Variants in MARVELD2 observed in about 807,000 individuals in gnomAD.
The protein encoded by MARVELD2 is MARVEL domain containing 2.
MARVELD2 carries 49 observed loss-of-function variants against 57.6 expected under a neutral mutation model. The ratio of observed to expected loss-of-function variants is 0.85; its 90% CI spans 0.68 to 1.08. The LOEUF (loss-of-function observed/expected upper bound fraction) is 1.08, where lower values mean the gene tolerates loss of function less well. Ranked by LOEUF, MARVELD2 falls within the 50% of genes least tolerant of loss-of-function variation. MARVELD2 has a pLI of 0.00. For missense variants in MARVELD2, 606 were observed against 701.1 expected, an observed-to-expected ratio of 0.86 and a Z score of 1.53; for synonymous variants, 238 against 258.8, an observed-to-expected ratio of 0.92 and a Z score of 0.77.
At chr5:69,422,764 C>T (rs299094) in intron 2 of MARVELD2, among the ~76,000 whole-genome samples, 52,122 of 152,018 alleles carry the variant, frequency 0.34, 10,472 homozygotes, top group Non-Finnish European at 0.46. Flanking sequence ...GCTGGTTTTA[C>T]GGCTCGGGGG....
At position 69,432,672 on chromosome 5, in the gene MARVELD2, T is replaced by C. The variant is rs1767002694; in HGVS notation, c.1328T>C (p.Val443Ala). 6.2e-7 allele frequency: 1 copy of C among 1,614,064 alleles called. No homozygotes were observed. The highest frequency in any genetic ancestry group is 8.5e-7 in the Non-Finnish European group (1 of 1,179,958). The stretch of plus-strand genomic sequence containing the variant: ...AAACCTATCGTGATGCCCGACTATG[T>C]GGCGTGAGTGTCAGTCTGAATTCTT... Reference protein sequence around the residue: ...IPKPIVMPDYVAKYPVIQTDD... With the variant: ...IPKPIVMPDYAAKYPVIQTDD... Residue 443 changes from valine to alanine, a missense_variant, in exon 4 of 7, where the codon GTG becomes GCG. By Grantham distance (64) the Val-to-Ala change is moderately conservative. Transcript: ENST00000325631.
chr5:69,424,396 T>A (rs1487139975), intron 2 of MARVELD2, among the ~76,000 whole-genome samples: 1 of 152,186 alleles, frequency 6.6e-6, no homozygotes, highest in Non-Finnish European at 1.5e-5. Context: ...CTCTATGCCC[T>A]GATTGACAGG....
At chr5:69,434,910 G>T (rs1767084710) in intron 5 of MARVELD2, among the ~76,000 whole-genome samples, 1 of 151,776 alleles carries the variant, frequency 6.6e-6, no homozygotes, top group Non-Finnish European at 1.5e-5. Flanking sequence ...GGTTAGGCTG[G>T]TCTCAAACTC....
chr5:69,424,646 A>C lies in MARVELD2; in HGVS notation c.1182+10A>C, dbSNP rs1766729029. 6.3e-7 allele frequency: 1 copy of C among 1,580,752 alleles called. No individual in the cohort carries two copies. Among genetic ancestry groups the C allele is most frequent in the African/African-American group, 1.3e-5 (1 of 74,676 alleles). ...ATCGAAAAGGAAAATGGTAAGAATA[A>C]AGTTTACTTCATATTATGCTTTAGA... is the stretch of plus-strand genomic sequence containing the variant. On this transcript the variant is annotated intron_variant, in intron 3 of 6. Transcript: ENST00000325631.
At chr5:69,435,688 G>A (rs906487345) in intron 5 of MARVELD2, among the ~76,000 whole-genome samples, 3 of 148,888 alleles carry the variant, frequency 2.0e-5, no homozygotes, top group African/African-American at 7.5e-5. Flanking sequence ...AGGAGGTGGA[G>A]GTTGCAGTGG....
At chr5:69,439,687 G>A (rs963566544) in intron 5 of MARVELD2, among the ~76,000 whole-genome samples, 1 of 151,906 alleles carries the variant, frequency 6.6e-6, no homozygotes, top group African/African-American at 2.4e-5. Flanking sequence ...CAGAGAGGTG[G>A]GAGTTGCAGT....
Position 69,419,973 on chromosome 5 carries a change from G to C in MARVELD2, c.588G>C (p.Leu196=). ...CGTGGGCAGGCCTGCTGAGAATACT[G>C]GGTGTGGTGGAGCTGCTTTTGGGGG... The part of the protein sequence containing the change: ...MKSWAGLLRI[L]GVVELLLGAG... The change falls in exon 2 of 7, where the codon CTG becomes CTC. Residue 196 remains leucine (L), a synonymous_variant. Transcript: ENST00000325631. 6.2e-7 allele frequency: 1 copy of C among 1,614,188 alleles called. No individual in the cohort carries two copies. The highest frequency in any genetic ancestry group is 8.5e-7 in the Non-Finnish European group (1 of 1,180,038).
At chr5:69,423,757 G>A (rs907699482) in intron 2 of MARVELD2, among the ~76,000 whole-genome samples, 2 of 152,176 alleles carry the variant, frequency 1.3e-5, no homozygotes, top group Admixed American at 1.3e-4. Flanking sequence ...ACAGGCATAA[G>A]CCACCATGCC....
In MARVELD2 at chr5:69,432,848, A is replaced by G. The variant is rs556514015; in HGVS notation, c.1332-74A>G. On this transcript the variant is annotated intron_variant, in intron 4 of 6. Coordinates refer to ENST00000325631, the MANE Select transcript of MARVELD2 (RefSeq NM_001038603.3). ...GAAGGTACAATATGATCAGTAAGGA[A>G]TAAGATAAGCTGATTTCCCATTCAG... 3.2e-6 allele frequency: 5 copies of G among 1,581,106 alleles called. No homozygotes were observed. The African/African-American group carries it at 5.4e-5, about 17-fold the overall frequency.
In MARVELD2 at chr5:69,441,694, T is replaced by C; in HGVS notation, c.*40T>C. ...CACTTTATTTTTTTATTTTATTTTA[T>C]TTTTTTGAGATGAAGTCTCGCTCTG... is the stretch of plus-strand genomic sequence containing the variant. On this transcript the variant is annotated 3_prime_UTR_variant, in exon 7 of 7. Coordinates refer to ENST00000325631, the MANE Select transcript of MARVELD2 (RefSeq NM_001038603.3). 2 of 1,411,324 alleles carry C rather than the reference T, an allele frequency of 1.4e-6. No individual in the cohort carries two copies. Among genetic ancestry groups the C allele is most frequent in the Non-Finnish European group, 2.0e-6 (2 of 1,016,992 alleles). The allele number at this position is 1,411,324 out of a possible 1,614,324, so 87.4% of individuals were successfully genotyped here.
chr5:69,430,870 A>C (rs1007340860), intron 3 of MARVELD2, among the ~76,000 whole-genome samples: 2 of 151,232 alleles, frequency 1.3e-5, no homozygotes, highest in Non-Finnish European at 2.9e-5. Context: ...TCTACTTAAT[A>C]GTTATGTGAC....
rs376627126 is a variant in MARVELD2 at position 69,432,664 on chromosome 5, C to A, written c.1320C>A (p.Pro440=). 6.3e-5 allele frequency: 102 copies of A among 1,613,914 alleles called. No homozygotes were observed. The highest frequency in any genetic ancestry group is 8.3e-5 in the Non-Finnish European group (98 of 1,179,990). The part of the protein sequence containing the change: ...PGHIPKPIVM[P]DYVAKYPVIQ... ...ACATTCCTAAACCTATCGTGATGCCCGACTATGTGGCGTGAGTGTCAGTCT... is the reference window on the plus strand; with the variant it reads ...ACATTCCTAAACCTATCGTGATGCCAGACTATGTGGCGTGAGTGTCAGTCT... Residue 440 remains proline, a synonymous_variant, in exon 4 of 7, where the codon CCC becomes CCA. Coordinates refer to ENST00000325631, the MANE Select transcript of MARVELD2 (RefSeq NM_001038603.3).
In MARVELD2 at chr5:69,441,748, T is replaced by C; in HGVS notation, c.*94T>C. 1.1e-6 allele frequency: 1 copy of C among 903,280 alleles called. No homozygotes were observed. Among genetic ancestry groups the C allele is most frequent in the Non-Finnish European group, 1.7e-6 (1 of 591,094 alleles). The allele number at this position is 903,280 out of a possible 1,614,324, so 56.0% of individuals were successfully genotyped here. A position where few individuals can be genotyped will look rare whatever the true frequency, so the allele number is the denominator to read the frequency against. ...CCCAGGCTGGAATGCAGTGGCACAA[T>C]CTCGGCTCACTGCAACCTCCACCTC... On this transcript the variant is annotated 3_prime_UTR_variant, in exon 7 of 7. Coordinates refer to ENST00000325631, the MANE Select transcript of MARVELD2 (RefSeq NM_001038603.3).
chr5:69,439,771 T>C (rs1362942327), intron 5 of MARVELD2, among the ~76,000 whole-genome samples: 1 of 151,696 alleles, frequency 6.6e-6, no homozygotes, highest in African/African-American at 2.4e-5. Flanking sequence ...AAAAAAACGC[T>C]GTAAATTATT....
Position 69,420,343 on chromosome 5 carries a change from C to T in MARVELD2, c.958C>T (p.Leu320Phe). 1 of 1,614,156 alleles carries T rather than the reference C, an allele frequency of 6.2e-7. No individual in the cohort carries two copies. Among genetic ancestry groups the T allele is most frequent in the Non-Finnish European group, 8.5e-7 (1 of 1,180,032 alleles). ...TGTGAATGATACCAACCGAGGTGGC[C>T]TCTGCTACTATCCGTTATTTAATAC... is the stretch of plus-strand genomic sequence containing the variant. ...VYVNDTNRGG[L>F]CYYPLFNTPV... The change falls in exon 2 of 7, where the codon CTC (leucine) becomes TTC (phenylalanine). Residue 320 changes from leucine to phenylalanine, a missense_variant. By Grantham distance (22) the Leu-to-Phe change is conservative. Transcript: ENST00000325631.
intron 3 of MARVELD2, among the ~76,000 whole-genome samples, chr5:69,426,320 C>CATTATTATTATTATTATTATTATTATT (rs61577972): frequency 3.6e-5 from 5 of 140,116 alleles, no homozygotes; most frequent in Non-Finnish European, 4.6e-5. Context: ...AGATACTGGA[C>CATTATTATTATTATTATTATTATTATT]ATTATTATTA....
At chr5:69,417,888 G>A (rs1362581578) in intron 1 of MARVELD2, among the ~76,000 whole-genome samples, 1 of 150,708 alleles carries the variant, frequency 6.6e-6, no homozygotes, top group African/African-American at 2.4e-5. Flanking sequence ...GCAGTGAGCC[G>A]AGATGGCACC....
Position 69,420,285 on chromosome 5 carries a change from G to T in MARVELD2, c.900G>T (p.Leu300Phe). The T allele has an allele frequency of 6.2e-7, 1 of 1,614,138 alleles. No individual in the cohort carries two copies. The highest frequency in any genetic ancestry group is 8.5e-7 in the Non-Finnish European group (1 of 1,180,040). Residue 300 changes from leucine (L) to phenylalanine (F), a missense_variant, in exon 2 of 7, where the codon TTG becomes TTT. Leu to Phe is a conservative substitution (Grantham distance 22). Transcript: ENST00000325631. ...PLTEFGINVA[L>F]FILYMAAAIV... Reference sequence around the variant, plus strand: ...CTGAATTTGGAATTAACGTTGCCTTGTTTATTTTGTATATGGCCGCAGCCA... The same window carrying T: ...CTGAATTTGGAATTAACGTTGCCTTTTTTATTTTGTATATGGCCGCAGCCA...
At chr5:69,432,706 T>C in intron 4 of MARVELD2, 31 bp downstream of exon 4, 1 of 1,613,856 alleles carries the variant, frequency 6.2e-7, no homozygotes, top group Non-Finnish European at 8.5e-7. Context: ...TTCCTCAAGG[T>C]AGAAGTTGAG....
Sources: allele counts gnomAD v4.1 joint callset (sites outside exome capture counted in the v4.1 genomes callset), GRCh38; gene constraint gnomAD v4.1.1; transcripts MANE v1.5; gene names NCBI Gene and HGNC (gene_info 2026-07-23, HGNC 2026-07-21).